POLRMT: variants seen among roughly 807,000 people sequenced by gnomAD.
POLRMT encodes RNA polymerase mitochondrial.
A neutral mutation model predicts 132.2 loss-of-function variants in POLRMT; 114 were observed. The ratio of observed to expected loss-of-function variants is 0.86; its 90% CI spans 0.74 to 1.01. POLRMT has a LOEUF of 1.01. Among genes scored for constraint, POLRMT ranks in the 50% least tolerant of loss-of-function variants. POLRMT has a pLI of 0.00. For synonymous variants in POLRMT, 1,020 were observed against 773.4 expected, an observed-to-expected ratio of 1.32 and a Z score of -5.29; for missense variants, 2,003 against 1,729.1, an observed-to-expected ratio of 1.16 and a Z score of -2.81.
At chr19:620,553 T>C in intron 10 of POLRMT, 66 bp from the exon 11 acceptor site, 7 of 1,456,314 alleles carry the variant, frequency 4.8e-6, no homozygotes, top group Non-Finnish European at 6.4e-6. Flanking sequence ...TGGGAGGCTG[T>C]GTTGCGGGGA....
chr19:627,626 T>G (rs908454302), intron 3 of POLRMT, among the ~76,000 whole-genome samples: 2 of 151,798 alleles, frequency 1.3e-5, no homozygotes, highest in Non-Finnish European at 2.9e-5. Flanking sequence ...TACTGGATGG[T>G]GCTGGTTAGA....
In POLRMT at chr19:620,334, C is replaced by T. The variant is rs750524678; in HGVS notation, c.2763+31G>A. On this transcript the variant is annotated intron_variant, in intron 11 of 20. Transcript: ENST00000588649. Reference sequence around the variant, plus strand: ...AGCCCCAGGCCCAGTGCACACTGCACGGCCTCGGGGGCCAGACCCAGCTGG... The same window carrying T: ...AGCCCCAGGCCCAGTGCACACTGCATGGCCTCGGGGGCCAGACCCAGCTGG... 2.6e-6 allele frequency: 4 copies of T among 1,538,016 alleles called. No homozygotes were observed. The African/African-American group carries it at 4.1e-5, about 16-fold the overall frequency.
chr19:621,153 T>C lies in POLRMT; in HGVS notation c.2545A>G (p.Thr849Ala), dbSNP rs765593582. The change falls in exon 10 of 21, where the codon ACG becomes GCG. Residue 849 changes from threonine (T) to alanine (A), a missense_variant. Physicochemically the swap from Thr to Ala is moderately conservative, Grantham distance 58. Transcript: ENST00000588649. ...AGCGGCTCCCGCTTCTTCAACCCCGTGAGATTGACCAGGTGGATCTTGAGC... is the reference window on the plus strand; with the variant it reads ...AGCGGCTCCCGCTTCTTCAACCCCGCGAGATTGACCAGGTGGATCTTGAGC... ...DWLKIHLVNLTGLKKREPLRK... is the reference protein window; with the variant it reads ...DWLKIHLVNLAGLKKREPLRK... 1.9e-6 allele frequency: 3 copies of C among 1,610,238 alleles called. No homozygotes were observed. In the Admixed American group the frequency reaches 5.0e-5, roughly 27 times the overall value.
In POLRMT at chr19:617,290, G is replaced by T. The variant is rs376313590; in HGVS notation, c.3677C>A (p.Thr1226Asn). 1.2e-6 allele frequency: 2 copies of T among 1,612,876 alleles called. No individual in the cohort carries two copies. The highest frequency in any genetic ancestry group is 1.1e-5 in the South Asian group (1 of 91,080). ...CACGGGGTGTCAGCTGAAGAAGTAG[G>T]TGGAACGCTTCACCTGCTCCAGGTC... is the stretch of plus-strand genomic sequence containing the variant. ...AFDLEQVKRS[T>N]YFFS The change falls in exon 21 of 21, where the codon ACC (threonine) becomes AAC (asparagine). Residue 1226 changes from threonine to asparagine, a missense_variant. By Grantham distance (65) the Thr-to-Asn change is moderately conservative. Transcript: ENST00000588649.
At position 621,351 on chromosome 19, in the gene POLRMT, G is replaced by C; in HGVS notation, c.2347C>G (p.Leu783Val). 1.3e-6 allele frequency: 2 copies of C among 1,581,646 alleles called. No homozygotes were observed. The highest frequency in any genetic ancestry group is 2.3e-5 in the East Asian group (1 of 43,982). Reference sequence around the variant, plus strand: ...TCCCGCAGGTGCTGCGCCAGCGAGAGGCGGTACAGCGCCTCCGCCCGCAGG... The same window carrying C: ...TCCCGCAGGTGCTGCGCCAGCGAGACGCGGTACAGCGCCTCCGCCCGCAGG... ...HSLRAEALYRLSLAQHLRDRV... is the reference protein window; with the variant it reads ...HSLRAEALYRVSLAQHLRDRV... Residue 783 changes from leucine to valine, a missense_variant, in exon 10 of 21, where the codon CTC (leucine) becomes GTC (valine). Leu to Val is a conservative substitution (Grantham distance 32, BLOSUM62 1). Coordinates refer to ENST00000588649, the MANE Select transcript of POLRMT (RefSeq NM_005035.4).
intron 1 of POLRMT, 198 bp from the exon 2 acceptor site, chr19:633,136 C>A: frequency 1.7e-6 from 1 of 596,186 alleles, no homozygotes; most frequent in Non-Finnish European, 2.8e-6. Context: ...GCGGAACCGC[C>A]GAGAGAGGGT....
At chr19:625,547 T>G (rs1600582414) in intron 3 of POLRMT, 2 of 338,828 alleles carry the variant, frequency 5.9e-6, no homozygotes, top group East Asian at 1.1e-4. Context: ...TTCAAAGGAC[T>G]GACTTGGCTT....
chr19:621,269 G>A lies in POLRMT; in HGVS notation c.2429C>T (p.Pro810Leu), dbSNP rs756055588. ...GCTGCCCAGGTGGTTGAAGTGCGGC[G>A]GGCAGGGGTAGGTGCGGCCGCGGAA... ...MDFRGRTYPC[P>L]PHFNHLGSDV... is the part of the protein sequence containing the mutation. Residue 810 changes from proline (P) to leucine (L), a missense_variant, in exon 10 of 21, where the codon CCG (proline) becomes CTG (leucine). Transcript: ENST00000588649. 1.9e-6 allele frequency: 3 copies of A among 1,607,668 alleles called. No homozygotes were observed. Among genetic ancestry groups the A allele is most frequent in the Non-Finnish European group, 2.5e-6 (3 of 1,177,966 alleles).
rs749953042 is a variant in POLRMT, at chr19:618,581, G to C, written c.3329C>G (p.Pro1110Arg). The C allele has an allele frequency of 1.9e-6, 3 of 1,612,294 alleles. No individual in the cohort carries two copies. The highest frequency in any genetic ancestry group is 2.5e-6 in the Non-Finnish European group (3 of 1,178,704). The change falls in exon 17 of 21, where the codon CCC becomes CGC. Residue 1110 changes from proline to arginine, a missense_variant. Pro to Arg is a moderately radical substitution (Grantham distance 103). Transcript: ENST00000588649. ...GCCGTTCTTCTGCTTACGTGTGTTGGGCTTTCTGAGGACGGAACAGGTGCC... is the reference window on the plus strand; with the variant it reads ...GCCGTTCTTCTGCTTACGTGTGTTGCGCTTTCTGAGGACGGAACAGGTGCC... The part of the protein sequence containing the change: ...YTHNGDISRK[P>R]NTRKQKNGFP...
Position 619,742 on chromosome 19 carries a change from G to A in POLRMT, c.2910C>T (p.Asp970=), listed in dbSNP as rs373501327. The part of the protein sequence containing the change: ...AAQVEVFRRQ[D]AQRGMRVAQV... ...GTGCCACCCGCATGCCCCGCTGGGCGTCCTGCCTACGGAACACCTCCACCT... is the reference window on the plus strand; with the variant it reads ...GTGCCACCCGCATGCCCCGCTGGGCATCCTGCCTACGGAACACCTCCACCT... The change falls in exon 13 of 21, where the codon GAC becomes GAT. Residue 970 remains aspartate (D), a synonymous_variant. Coordinates refer to ENST00000588649, the MANE Select transcript of POLRMT (RefSeq NM_005035.4). 7.5e-6 allele frequency: 12 copies of A among 1,590,444 alleles called. No individual in the cohort carries two copies. The African/African-American group carries it at 1.1e-4, about 14-fold the overall frequency.
At chr19:632,481 G>A (rs976080252) in intron 2 of POLRMT, among the ~76,000 whole-genome samples, 1 of 151,162 alleles carries the variant, frequency 6.6e-6, no homozygotes, top group Non-Finnish European at 1.5e-5. Context: ...CAGGACAGCT[G>A]AGTCAGTTCA....
intron 8 of POLRMT, 80 bp from the exon 9 acceptor site, chr19:622,453 G>T: frequency 3.4e-6 from 5 of 1,459,638 alleles, no homozygotes; most frequent in Non-Finnish European, 4.6e-6. Flanking sequence ...GACGCCCGGT[G>T]GGGCATCTGT....
chr19:622,334 G>C lies in POLRMT; in HGVS notation c.1666C>G (p.Leu556Val), dbSNP rs1290931276. The C allele has an allele frequency of 5.8e-6, 9 of 1,561,324 alleles. No individual in the cohort carries two copies. The highest frequency in any genetic ancestry group is 7.8e-6 in the Non-Finnish European group (9 of 1,154,740). ...PCLPRQYWEE[L>V]GAPEALREQP... ...TCCCGCAGGGCCTCGGGCGCCCCCA[G>C]CTCCTCCCAGTACTGCCGCGGCAGG... Residue 556 changes from leucine (L) to valine (V), a missense_variant, in exon 9 of 21, where the codon CTG becomes GTG. Leu to Val is a conservative substitution (Grantham distance 32). Transcript: ENST00000588649.
chr19:619,844 C>G lies in POLRMT; in HGVS notation c.2887-79G>C, dbSNP rs927231093. On this transcript the variant is annotated intron_variant, in intron 12 of 20. Transcript: ENST00000588649. ...CCACCAAGCACCCATGAAGCCCCCG[C>G]CCCAGCCCCACCACATCCTCAGGAC... 12 of 1,557,906 alleles carry G rather than the reference C, an allele frequency of 7.7e-6. No homozygotes were observed. The African/African-American group carries it at 1.2e-4, about 16-fold the overall frequency.
At position 629,564 on chromosome 19, in the gene POLRMT, G is replaced by A. The variant is rs762014406; in HGVS notation, c.798C>T (p.Ala266=). The part of the protein sequence containing the change: ...RKLLTLDMYN[A]VMLGWARQGA... The stretch of plus-strand genomic sequence containing the variant: ...CCTGCCGCGCCCAGCCAAGCATCAC[G>A]GCGTTGTACATGTCCAGCGTGAGCA... Residue 266 remains alanine (A), a synonymous_variant, in exon 3 of 21, where the codon GCC becomes GCT. Transcript: ENST00000588649. 17 of 1,547,144 alleles carry A rather than the reference G, an allele frequency of 1.1e-5. No individual in the cohort carries two copies. The highest frequency in any genetic ancestry group is 6.8e-5 in the East Asian group (3 of 43,826).
intron 5 of POLRMT, 146 bp from the exon 6 acceptor site, chr19:623,749 G>A: frequency 9.8e-7 from 1 of 1,024,104 alleles, no homozygotes; most frequent in South Asian, 1.5e-5. Context: ...GCGGGCTGCG[G>A]GTAAAGTCAG....
rs1010360183 is a variant in POLRMT, at chr19:632,895, G to A, written c.132C>T (p.Ala44=). The change falls in exon 2 of 21, where the codon GCC becomes GCT. Residue 44 remains alanine, a synonymous_variant. Transcript: ENST00000588649. ...GVCGPRRSSS[A]SPQEQDQDRR... is the part of the protein sequence containing the mutation. ...GGTCTTGGTCTTGCTCCTGGGGGCT[G>A]GCGGACGAGCTCCTCCTGGGGCCGC... 2.1e-5 allele frequency: 32 copies of A among 1,543,776 alleles called. No homozygotes were observed. The highest frequency in any genetic ancestry group is 2.7e-5 in the Non-Finnish European group (31 of 1,149,392).
At chr19:625,307 C>A in intron 3 of POLRMT, 53 bp from the exon 4 acceptor site, 1 of 1,604,376 alleles carries the variant, frequency 6.2e-7, no homozygotes, top group Admixed American at 1.7e-5. Flanking sequence ...ACCTCCACAT[C>A]CTCCCTGCTC....
intron 10 of POLRMT, 88 bp from the exon 11 acceptor site, chr19:620,575 G>C (rs1400121774): frequency 3.5e-6 from 5 of 1,415,122 alleles, no homozygotes; most frequent in Admixed American, 2.7e-5. Flanking sequence ...GTGGGAAATG[G>C]GGAGGAGACG....
Sources: gnomAD v4.1 joint callset for allele counts (sites outside exome capture counted in the v4.1 genomes callset) on GRCh38, gnomAD v4.1.1 for gene constraint, MANE v1.5 for transcripts, NCBI Gene and HGNC (gene_info 2026-07-23, HGNC 2026-07-21) for gene names.